Variants in ROBO2 observed in about 807,000 individuals in gnomAD.
ROBO2 encodes roundabout guidance receptor 2, also known as roundabout homolog 2.
In ROBO2, 53 loss-of-function variants were observed where a neutral mutation model predicts 160.8. That is an observed-to-expected ratio of 0.33 (90% CI 0.26 to 0.41). ROBO2 has a LOEUF of 0.41. Among genes scored for constraint, ROBO2 ranks in the 10% least tolerant of loss-of-function variants. The pLI, the probability that ROBO2 is intolerant of heterozygous loss-of-function variation, is 1.00. For synonymous variants in ROBO2, 664 were observed against 611.7 expected (o/e 1.09, Z -1.26); for missense variants, 1,577 against 1,722.4 (o/e 0.92, Z 1.49).
intron 2 of ROBO2, among the ~76,000 whole-genome samples, chr3:76,928,567 T>A (rs191838023): frequency 2.6e-5 from 4 of 152,028 alleles, no homozygotes; most frequent in Admixed American, 2.6e-4. Flanking sequence ...TCTCAGCCAA[T>A]GTCTATGGGT....
Position 75,930,064 on chromosome 3 carries a change from T to C in ROBO2, c.-13-7417T>C, listed in dbSNP as rs568254062. Among the ~76,000 whole-genome samples, 126 of 152,372 alleles carry C rather than the reference T, an allele frequency of 8.3e-4. 1 individual carries two copies. The highest frequency in any genetic ancestry group is 2.9e-3 in the African/African-American group (120 of 41,586). ...CTTCAGGCAAGTTCAGCCATCATTT[T>C]AGTGGCTCAGCATTCACATGAAAGG... On this transcript the variant is annotated intron_variant, in intron 1 of 26. Transcript: ENST00000487694.
At chr3:77,380,161 C>A (rs897548639) in intron 2 of ROBO2, among the ~76,000 whole-genome samples, 3 of 152,182 alleles carry the variant, frequency 2.0e-5, no homozygotes, top group African/African-American at 7.2e-5. Flanking sequence ...CATCAGTGAG[C>A]CACCTGAAGT....
intron 17 of ROBO2, among the ~76,000 whole-genome samples, chr3:77,593,441 G>A (rs1444002766): frequency 3.9e-5 from 6 of 152,188 alleles, no homozygotes; most frequent in African/African-American, 9.7e-5. Flanking sequence ...ATTTCAGTGA[G>A]CCTTTTCATC....
intron 2 of ROBO2, among the ~76,000 whole-genome samples, chr3:77,179,351 T>C (rs1266692715): frequency 6.6e-6 from 1 of 152,050 alleles, no homozygotes; most frequent in Non-Finnish European, 1.5e-5. Context: ...CATGTACGTA[T>C]TTCCTTTTCA....
intron 2 of ROBO2, among the ~76,000 whole-genome samples, chr3:76,768,562 T>C (rs2061696363): frequency 6.6e-6 from 1 of 151,310 alleles, no homozygotes; most frequent in Non-Finnish European, 1.5e-5. Flanking sequence ...GAAAACTATA[T>C]ACTGTATAGT....
At chr3:76,961,611 A>C (rs951888026) in intron 2 of ROBO2, among the ~76,000 whole-genome samples, 3 of 152,174 alleles carry the variant, frequency 2.0e-5, no homozygotes, top group Non-Finnish European at 4.4e-5. Flanking sequence ...CCAGAGTTTG[A>C]ACCCAGCTTC....
At chr3:76,337,529 A>AT (rs2073970257) in intron 2 of ROBO2, among the ~76,000 whole-genome samples, 2 of 152,232 alleles carry the variant, frequency 1.3e-5, no homozygotes, top group African/African-American at 4.8e-5. Context: ...GATTGTATCT[A>AT]TTTTGTAAAA....
At chr3:76,666,575 A>G (rs1234415074) in intron 2 of ROBO2, among the ~76,000 whole-genome samples, 1 of 152,166 alleles carries the variant, frequency 6.6e-6, no homozygotes, top group Non-Finnish European at 1.5e-5. Flanking sequence ...ATGGAATATT[A>G]TTAACTGATT....
At chr3:76,425,254 T>C (rs2076165591) in intron 2 of ROBO2, among the ~76,000 whole-genome samples, 1 of 152,118 alleles carries the variant, frequency 6.6e-6, no homozygotes, top group Admixed American at 6.6e-5. Flanking sequence ...CCTTCTGACT[T>C]TCCCAAATTA....
chr3:76,986,888 GA>G (rs140806126), intron 2 of ROBO2, among the ~76,000 whole-genome samples: 27,396 of 152,050 alleles, frequency 0.18, 2,534 homozygotes, highest in Non-Finnish European at 0.2. Context: ...CCTAGGCTGA[GA>G]CAAGATACAA....
rs181642495 is a variant in ROBO2 at position 76,626,501 on chromosome 3, G to A, written c.110-471513G>A. 3.3e-5 allele frequency among the ~76,000 whole-genome samples: 5 copies of A among 151,994 alleles called. No individual in the cohort carries two copies. In the East Asian group the frequency reaches 9.7e-4, roughly 29 times the overall value. ...AAAAAGTACCAAGAAAATGAGGAGAGATAAAGAAGTATTTTGTGGAAGGAG... is the reference window on the plus strand; with the variant it reads ...AAAAAGTACCAAGAAAATGAGGAGAAATAAAGAAGTATTTTGTGGAAGGAG... On this transcript the variant is annotated intron_variant, in intron 2 of 26. Transcript: ENST00000487694.
intron 2 of ROBO2, among the ~76,000 whole-genome samples, chr3:76,671,397 C>T (rs1444164787): frequency 2.6e-5 from 4 of 152,044 alleles, no homozygotes; most frequent in African/African-American, 7.2e-5. Flanking sequence ...TTAATATTGA[C>T]GCATTAAGCA....
chr3:76,476,441 G>T (rs1468603598), intron 2 of ROBO2, among the ~76,000 whole-genome samples: 3 of 152,110 alleles, frequency 2.0e-5, no homozygotes, highest in Non-Finnish European at 4.4e-5. Flanking sequence ...CCTCTCTGAT[G>T]ATGTCGGAAA....
chr3:77,110,364 ATATG>A (rs1553775390), intron 2 of ROBO2, among the ~76,000 whole-genome samples: 1 of 152,152 alleles, frequency 6.6e-6, no homozygotes, highest in Non-Finnish European at 1.5e-5. Flanking sequence ...TTTCATTGCT[ATATG>A]TATTTGTGGA....
chr3:77,296,592 T>A (rs1392795343), intron 2 of ROBO2, among the ~76,000 whole-genome samples: 2 of 152,132 alleles, frequency 1.3e-5, no homozygotes, highest in Non-Finnish European at 2.9e-5. Flanking sequence ...AATTGTTCAG[T>A]GTATTCCCTG....
chr3:76,411,781 T>C (rs893084409), intron 2 of ROBO2, among the ~76,000 whole-genome samples: 1 of 152,204 alleles, frequency 6.6e-6, no homozygotes, highest in African/African-American at 2.4e-5. Context: ...TTCTCTGCAG[T>C]GATAATACTG....
chr3:77,374,159 G>A (rs1459318443), intron 2 of ROBO2, among the ~76,000 whole-genome samples: 1 of 94,116 alleles, frequency 1.1e-5, no homozygotes, highest in Non-Finnish European at 1.8e-5. Flanking sequence ...CGACAACAGC[G>A]AGACTCCATC....
intron 2 of ROBO2, among the ~76,000 whole-genome samples, chr3:75,981,387 C>T (rs1045132084): frequency 2.0e-5 from 3 of 151,192 alleles, no homozygotes; most frequent in Admixed American, 6.6e-5. Context: ...GTATGATGTA[C>T]GTATATCTTG....
Position 77,319,379 on chromosome 3 carries a change from G to A in ROBO2, c.389-158035G>A, listed in dbSNP as rs147070858. Reference sequence around the variant, plus strand: ...CAGTCACTGATGAGGCATACATACAGAAATCTCCTGTTAAGTAAGATTAGA... The same window carrying A: ...CAGTCACTGATGAGGCATACATACAAAAATCTCCTGTTAAGTAAGATTAGA... On this transcript the variant is annotated intron_variant, in intron 2 of 25. Coordinates refer to ENST00000461745, the Ensembl canonical transcript of ROBO2. Among the ~76,000 whole-genome samples the A allele has an allele frequency of 2.0e-4, 31 of 152,254 alleles. No individual in the cohort carries two copies. The East Asian group carries it at 5.2e-3, about 26-fold the overall frequency.
Sources: allele counts gnomAD v4.1 joint callset (sites outside exome capture counted in the v4.1 genomes callset), GRCh38; gene constraint gnomAD v4.1.1; transcripts MANE v1.5; gene names NCBI Gene and HGNC (gene_info 2026-07-23, HGNC 2026-07-21).